Variants in RBFOX1 observed in about 807,000 individuals in gnomAD.
RBFOX1 encodes RNA binding protein fox-1 homolog 1.
RBFOX1 carries 8 observed loss-of-function variants against 57.7 expected under a neutral mutation model. That is an observed-to-expected ratio of 0.14 (90% confidence interval 0.08 to 0.25). The LOEUF is 0.25. Ranked by LOEUF, RBFOX1 falls within the 10% of genes least tolerant of loss-of-function variation. The pLI is 1.00. For synonymous variants in RBFOX1, 326 were observed against 222.4 expected (o/e 1.47, Z -4.15); for missense variants, 611 against 548.5 (o/e 1.11, Z -1.14).
At chr16:6,034,105 T>C (rs1834041) in intron 1 of RBFOX1, among the ~76,000 whole-genome samples, 65,508 of 151,506 alleles carry the variant, frequency 0.43, 14,242 homozygotes, top group South Asian at 0.49. Context: ...GAGGCCGAGG[T>C]GGGCGGATCA....
chr16:5,403,394 A>C (rs1339165178), intron 1 of RBFOX1, among the ~76,000 whole-genome samples: 4 of 151,638 alleles, frequency 2.6e-5, no homozygotes, highest in African/African-American at 4.8e-5. Flanking sequence ...AAAAAAACCC[A>C]AAACCCTTGC....
intron 2 of RBFOX1, among the ~76,000 whole-genome samples, chr16:5,512,731 G>T (rs1011360762): frequency 6.6e-6 from 1 of 152,156 alleles, no homozygotes; most frequent in East Asian, 1.9e-4. Flanking sequence ...TTATACTCTT[G>T]TGACACGTTC....
chr16:7,603,415 T>C (rs1020701262), intron 9 of RBFOX1, among the ~76,000 whole-genome samples: 1 of 151,930 alleles, frequency 6.6e-6, no homozygotes, highest in Non-Finnish European at 1.5e-5. Flanking sequence ...AGAATGGTTA[T>C]AAAAGACAAG....
At chr16:5,572,261 A>G (rs1353471629) in intron 2 of RBFOX1, among the ~76,000 whole-genome samples, 1 of 152,152 alleles carries the variant, frequency 6.6e-6, no homozygotes, top group Non-Finnish European at 1.5e-5. Context: ...GCATCCAGCC[A>G]TTTATCTCTT....
intron 3 of RBFOX1, among the ~76,000 whole-genome samples, chr16:7,048,544 C>A (rs961472230): frequency 2.0e-5 from 3 of 152,234 alleles, no homozygotes; most frequent in African/African-American, 7.2e-5. Context: ...CAGGCGTGAG[C>A]CACCGCGCCC....
intron 1 of RBFOX1, among the ~76,000 whole-genome samples, chr16:6,148,196 A>G (rs1050033142): frequency 9.9e-5 from 15 of 152,162 alleles, no homozygotes; most frequent in African/African-American, 3.1e-4. Context: ...GTGTGGTGGC[A>G]TGTACCTGTA....
chr16:5,996,947 AC>A (rs1229175311), intron 4 of RBFOX1, among the ~76,000 whole-genome samples: 1 of 152,162 alleles, frequency 6.6e-6, no homozygotes, highest in African/African-American at 2.4e-5. Flanking sequence ...GTTCGTCCAA[AC>A]TGACGAGCAA....
intron 4 of RBFOX1, among the ~76,000 whole-genome samples, chr16:7,057,328 C>T (rs1372818703): frequency 1.3e-5 from 2 of 152,156 alleles, no homozygotes; most frequent in African/African-American, 4.8e-5. Flanking sequence ...TGCAACCAGG[C>T]CTCCCAGGAA....
At chr16:6,055,372 C>G (rs947368984) in intron 1 of RBFOX1, among the ~76,000 whole-genome samples, 5 of 151,806 alleles carry the variant, frequency 3.3e-5, no homozygotes, top group Non-Finnish European at 5.9e-5. Context: ...GAGGGAAGAT[C>G]ACTTGAGGTC....
chr16:6,102,851 G>A (rs1264882901), intron 1 of RBFOX1, among the ~76,000 whole-genome samples: 1 of 152,108 alleles, frequency 6.6e-6, no homozygotes, highest in Non-Finnish European at 1.5e-5. Context: ...GTCCTGGCTT[G>A]TAGGACAGGG....
intron 14 of RBFOX1, 147 bp from the exon 15 acceptor site, chr16:7,708,909 C>T: frequency 1.5e-6 from 1 of 679,888 alleles, no homozygotes. Context: ...ATGAACTCTT[C>T]TTATACTACA....
intron 3 of RBFOX1, among the ~76,000 whole-genome samples, chr16:7,005,644 C>G (rs947489711): frequency 5.3e-5 from 8 of 152,158 alleles, no homozygotes; most frequent in Non-Finnish European, 1.0e-4. Context: ...TTGGTGTTGC[C>G]TGTTGAACAC....
intron 4 of RBFOX1, among the ~76,000 whole-genome samples, chr16:7,086,721 T>TAC (rs71280731): frequency 0.022 from 3,241 of 149,570 alleles, 48 homozygotes; most frequent in Middle Eastern, 0.041. Context: ...GAAGAATGTA[T>TAC]ACACACACAC....
At chr16:6,859,199 A>ATATATATGTATATATATGTATATATATG (rs1567594046) in intron 3 of RBFOX1, among the ~76,000 whole-genome samples, 6 of 107,766 alleles carry the variant, frequency 5.6e-5, no homozygotes, top group Non-Finnish European at 7.9e-5. Flanking sequence ...ATATATATGT[A>ATATATATGTATATATATGTATATATATG]TATATATATA....
chr16:5,580,687 C>T (rs911896037), intron 2 of RBFOX1, among the ~76,000 whole-genome samples: 5 of 152,148 alleles, frequency 3.3e-5, no homozygotes, highest in South Asian at 2.1e-4. Context: ...TTACCTTTCA[C>T]GGCATCTCAC....
chr16:6,442,175 A>C (rs2153028558), intron 2 of RBFOX1, among the ~76,000 whole-genome samples: 1 of 152,236 alleles, frequency 6.6e-6, no homozygotes, highest in East Asian at 1.9e-4. Context: ...AGCTTGACTT[A>C]GTGGTAGCTT....
At chr16:6,458,116 A>C (rs2094822042) in intron 2 of RBFOX1, among the ~76,000 whole-genome samples, 1 of 152,252 alleles carries the variant, frequency 6.6e-6, no homozygotes, top group South Asian at 2.1e-4. Flanking sequence ...AGAAGGGAAC[A>C]GAAAATTTTG....
intron 4 of RBFOX1, among the ~76,000 whole-genome samples, chr16:7,387,600 G>T (rs531211174): frequency 6.6e-6 from 1 of 152,220 alleles, no homozygotes; most frequent in East Asian, 1.9e-4. Context: ...GAGGTTCTTC[G>T]AATGTATGGT....
At position 7,450,144 on chromosome 16, in the gene RBFOX1, C is replaced by G. The variant is rs895475872; in HGVS notation, c.28-68003C>G. On this transcript the variant is annotated intron_variant, in intron 4 of 15. Coordinates refer to ENST00000550418, the MANE Select transcript of RBFOX1 (RefSeq NM_018723.4). ...AATGCGGTGGCTCATGCCTGTAATT[C>G]CAGCACTTCGGGAGATGGAGGTGGG... is the stretch of plus-strand genomic sequence containing the variant. 5.3e-5 allele frequency among the ~76,000 whole-genome samples: 8 copies of G among 152,016 alleles called. 1 individual carries two copies. The highest frequency in any genetic ancestry group is 4.6e-4 in the Admixed American group (7 of 15,272).
Sources: gnomAD v4.1 joint callset for allele counts (sites outside exome capture counted in the v4.1 genomes callset) on GRCh38, gnomAD v4.1.1 for gene constraint, MANE v1.5 for transcripts, NCBI Gene and HGNC (gene_info 2026-07-23, HGNC 2026-07-21) for gene names.